The following PKNOX1 variants were observed in gnomAD, a reference collection of about 807,000 sequenced individuals.
The protein encoded by PKNOX1 is PBX/knotted 1 homeobox 1.
Under a neutral mutation model 51.9 loss-of-function variants are expected in PKNOX1, and 15 were observed. The ratio of observed to expected loss-of-function variants is 0.29; its 90% CI spans 0.19 to 0.45. The LOEUF (loss-of-function observed/expected upper bound fraction) is 0.45, where lower values mean the gene tolerates loss of function less well. Ranked by LOEUF, PKNOX1 falls within the 20% of genes least tolerant of loss-of-function variation. PKNOX1 has a pLI of 1.00. For missense variants in PKNOX1, 462 were observed against 547.5 expected, an observed-to-expected ratio of 0.84 and a Z score of 1.56; for synonymous variants, 219 against 211.1, an observed-to-expected ratio of 1.04 and a Z score of -0.32.
At chr21:43,028,564 A>T in intron 9 of PKNOX1, 138 bp from the exon 10 acceptor site, 2 of 738,132 alleles carry the variant, frequency 2.7e-6, no homozygotes, top group Non-Finnish European at 4.7e-6. Context: ...CCTCTTAAGT[A>T]GTTACTATAG....
rs12483397 is a variant in PKNOX1, at chr21:43,010,016, G to A, written c.180-37G>A. 3.6e-6 allele frequency: 5 copies of A among 1,389,008 alleles called. No individual in the cohort carries two copies. The African/African-American group carries it at 7.3e-5, about 20-fold the overall frequency. 86.0% of individuals were successfully genotyped at this position (1,389,008 alleles called of 1,614,324 possible). On this transcript the variant is annotated intron_variant, in intron 3 of 10. Coordinates refer to ENST00000291547, the MANE Select transcript of PKNOX1 (RefSeq NM_004571.5). ...GCAAAGACATTCTCACGGAGATGTA[G>A]AACGTAAATGGATTCTTTTTTTTCT...
chr21:42,983,083 T>C (rs2146224707), intron 1 of PKNOX1, among the ~76,000 whole-genome samples: 1 of 149,118 alleles, frequency 6.7e-6, no homozygotes, highest in East Asian at 2.0e-4. Context: ...GTTCCAGGAT[T>C]ACAGGCATGA....
In PKNOX1 at chr21:43,025,369, A is replaced by C. The variant is rs964779165; in HGVS notation, c.926+422A>C. Among the ~76,000 whole-genome samples the C allele has an allele frequency of 2.0e-5, 3 of 152,292 alleles. No individual in the cohort carries two copies. The South Asian group carries it at 6.2e-4, about 32-fold the overall frequency. ...TCATACAAAACTGTGATGTGTTGTT[A>C]GTGGATGAGCCTCTGGATGGTGGGA... is the stretch of plus-strand genomic sequence containing the variant. On this transcript the variant is annotated intron_variant, in intron 9 of 10. Coordinates refer to ENST00000291547, the MANE Select transcript of PKNOX1 (RefSeq NM_004571.5).
intron 1 of PKNOX1, among the ~76,000 whole-genome samples, chr21:42,991,329 G>GA (rs545338560): frequency 3.0e-3 from 386 of 128,578 alleles, no homozygotes; most frequent in Non-Finnish European, 4.3e-3. Context: ...TACAAAAAAA[G>GA]AAAAAAAAAA....
chr21:43,018,047 C>CAAAA (rs60175567), intron 6 of PKNOX1, 86 bp from the exon 7 acceptor site: 53,202 of 268,492 alleles, frequency 0.2, 6,342 homozygotes, highest in African/African-American at 0.42. Flanking sequence ...CCTGTCTCTA[C>CAAAA]AAAAAAAAAA....
chr21:43,016,855 A>G (rs902103545), intron 5 of PKNOX1, 53 bp from the exon 6 acceptor site: 2 of 1,212,764 alleles, frequency 1.6e-6, no homozygotes, highest in Admixed American at 4.0e-5. Context: ...AGTTTTAAAC[A>G]TGGGTTTTCC....
Position 43,017,057 on chromosome 21 carries a change from T to C in PKNOX1, c.622+50T>C, listed in dbSNP as rs114535173. On this transcript the variant is annotated intron_variant, in intron 6 of 10. Coordinates refer to ENST00000291547, the MANE Select transcript of PKNOX1 (RefSeq NM_004571.5). ...ACTCTCCATGAGTTTTTGCAGAAAA[T>C]GGTCCTGTGTGTTAGAATGACAGTA... 1,205 of 1,191,536 alleles carry C rather than the reference T, an allele frequency of 1.0e-3. 14 individuals carry two copies. The African/African-American group carries it at 0.016, about 16-fold the overall frequency. 73.8% of individuals were successfully genotyped at this position (1,191,536 alleles called of 1,614,324 possible).
intron 9 of PKNOX1, among the ~76,000 whole-genome samples, chr21:43,026,950 T>C (rs1476602688): frequency 6.6e-6 from 1 of 152,144 alleles, no homozygotes; most frequent in Non-Finnish European, 1.5e-5. Flanking sequence ...TTTTTAAATC[T>C]TGGACTTTTA....
At chr21:42,991,733 CAAAAAA>C (rs11340187) in intron 1 of PKNOX1, among the ~76,000 whole-genome samples, 2 of 137,888 alleles carry the variant, frequency 1.5e-5, no homozygotes, top group Non-Finnish European at 3.2e-5. Context: ...GACTCCGTCT[CAAAAAA>C]AAAAAAACAA....
chr21:42,989,685 C>T (rs2059075555), intron 1 of PKNOX1, among the ~76,000 whole-genome samples: 1 of 152,142 alleles, frequency 6.6e-6, no homozygotes, highest in Non-Finnish European at 1.5e-5. Flanking sequence ...TCCCAAAATG[C>T]TAGGATTACA....
intron 1 of PKNOX1, among the ~76,000 whole-genome samples, chr21:42,974,978 G>A (rs914945028): frequency 6.8e-6 from 1 of 147,062 alleles, no homozygotes; most frequent in Non-Finnish European, 1.5e-5. Context: ...CGCCGCCGCC[G>A]CCGCGCTGGG....
At chr21:42,975,221 C>T (rs2058988055) in intron 1 of PKNOX1, among the ~76,000 whole-genome samples, 1 of 148,304 alleles carries the variant, frequency 6.7e-6, no homozygotes, top group African/African-American at 2.5e-5. Context: ...CGCGGCGGCG[C>T]AGGCGGGAAG....
chr21:43,013,008 C>A, intron 4 of PKNOX1, 60 bp from the exon 5 acceptor site: 1 of 1,363,336 alleles, frequency 7.3e-7, no homozygotes, highest in South Asian at 1.4e-5. Context: ...TATGTAGGAT[C>A]ATGATAACTT....
chr21:43,030,213 C>A lies in PKNOX1; in HGVS notation c.*112C>A. 1 of 856,398 alleles carries A rather than the reference C, an allele frequency of 1.2e-6. No homozygotes were observed. The highest frequency in any genetic ancestry group is 1.8e-6 in the Non-Finnish European group (1 of 567,572). 53.0% of individuals were successfully genotyped at this position (856,398 alleles called of 1,614,324 possible). A position where few individuals can be genotyped will look rare whatever the true frequency, so the allele number is the denominator to read the frequency against. ...TATAGAAGAGTGCACTTTTGTATTT[C>A]ATAGTAAGCTTAAAGCGCGTCTTTG... On this transcript the variant is annotated 3_prime_UTR_variant, in exon 11 of 11. Coordinates refer to ENST00000291547, the MANE Select transcript of PKNOX1 (RefSeq NM_004571.5).
chr21:43,024,983 C>G, intron 9 of PKNOX1, 36 bp downstream of exon 9: 2 of 1,279,318 alleles, frequency 1.6e-6, no homozygotes, highest in Non-Finnish European at 2.3e-6. Context: ...ATGCTGTCAG[C>G]ACGGTAGAGC....
chr21:43,008,293 T>C (rs1979091059), intron 3 of PKNOX1, among the ~76,000 whole-genome samples: 1 of 152,220 alleles, frequency 6.6e-6, no homozygotes, highest in South Asian at 2.1e-4. Context: ...CAACTCACTT[T>C]ATAATTGACA....
Position 43,011,193 on chromosome 21 carries a change from G to A in PKNOX1, c.351+969G>A, listed in dbSNP as rs555410581. 9.3e-5 allele frequency among the ~76,000 whole-genome samples: 14 copies of A among 150,436 alleles called. No individual in the cohort carries two copies. In the South Asian group the frequency reaches 2.8e-3, roughly 30 times the overall value. On this transcript the variant is annotated intron_variant, in intron 4 of 10. Coordinates refer to ENST00000291547, the MANE Select transcript of PKNOX1 (RefSeq NM_004571.5). ...AGCCATTCTCCTGCCTCAGCCTCCC[G>A]AGTAGCTGGGACTACAGGCACCCGC...
At chr21:42,979,369 A>G (rs4920021) in intron 1 of PKNOX1, among the ~76,000 whole-genome samples, 54 of 152,358 alleles carry the variant, frequency 3.5e-4, no homozygotes, top group African/African-American at 1.3e-3. Flanking sequence ...TTCTTCATAC[A>G]GGGTTGCCAC....
intron 8 of PKNOX1, among the ~76,000 whole-genome samples, chr21:43,022,812 G>T (rs115553368): frequency 4.7e-4 from 72 of 152,256 alleles, no homozygotes; most frequent in African/African-American, 1.7e-3. Context: ...TTAACATGAG[G>T]AATGAGGGCT....
Sources: gnomAD v4.1 joint callset for allele counts (sites outside exome capture counted in the v4.1 genomes callset) on GRCh38, gnomAD v4.1.1 for gene constraint, MANE v1.5 for transcripts, NCBI Gene and HGNC (gene_info 2026-07-23, HGNC 2026-07-21) for gene names.